The following LNX2 variants were observed in gnomAD, a reference collection of about 807,000 sequenced individuals.
The protein encoded by LNX2 is ligand of Numb protein X 2.
A neutral mutation model predicts 66.2 loss-of-function variants in LNX2; 35 were observed. The observed-to-expected ratio is 0.53, with a 90% CI of 0.40 to 0.70. The LOEUF (loss-of-function observed/expected upper bound fraction) is 0.70. LNX2 is among the 30% of genes least tolerant of loss of function. The pLI, the probability that LNX2 is intolerant of heterozygous loss-of-function variation, is 0.00. For synonymous variants in LNX2, 337 were observed against 315.6 expected (o/e 1.07, Z -0.72); for missense variants, 791 against 850.8 (o/e 0.93, Z 0.87).
At chr13:27,571,613 C>T (rs540452261) in intron 2 of LNX2, among the ~76,000 whole-genome samples, 1 of 152,146 alleles carries the variant, frequency 6.6e-6, no homozygotes, top group South Asian at 2.1e-4. Context: ...CACTGAATTG[C>T]ACACTTTAAA....
chr13:27,587,797 A>G (rs561426654), intron 1 of LNX2, among the ~76,000 whole-genome samples: 28 of 152,100 alleles, frequency 1.8e-4, no homozygotes, highest in African/African-American at 4.8e-4. Context: ...CAAGGCGGGC[A>G]GATCACAAGG....
intron 1 of LNX2, among the ~76,000 whole-genome samples, chr13:27,607,911 A>AT (rs1955734720): frequency 1.3e-5 from 2 of 152,244 alleles, no homozygotes; most frequent in Non-Finnish European, 2.9e-5. Flanking sequence ...AGTAACCAGC[A>AT]TAACAGACCA....
chr13:27,615,695 T>C (rs961729293), intron 1 of LNX2, among the ~76,000 whole-genome samples: 2 of 152,168 alleles, frequency 1.3e-5, no homozygotes, highest in African/African-American at 4.8e-5. Context: ...GAGAGTTGTA[T>C]GCCAGGAAAC....
chr13:27,573,438 T>C (rs1156695061), intron 2 of LNX2, among the ~76,000 whole-genome samples: 1 of 103,790 alleles, frequency 9.6e-6, no homozygotes, highest in Non-Finnish European at 2.0e-5. Context: ...TTGTTAAGCA[T>C]TGGTTAAAAA....
At chr13:27,597,305 A>C (rs546715208) in intron 1 of LNX2, among the ~76,000 whole-genome samples, 3 of 152,344 alleles carry the variant, frequency 2.0e-5, no homozygotes, top group East Asian at 1.9e-4. Flanking sequence ...GGAATAAAAG[A>C]AGCAAAGTGT....
At chr13:27,570,058 C>G (rs751691299) in intron 2 of LNX2, among the ~76,000 whole-genome samples, 62 of 152,236 alleles carry the variant, frequency 4.1e-4, no homozygotes, top group Admixed American at 5.9e-4. Flanking sequence ...AATAAAGGCT[C>G]TATATAACAA....
intron 1 of LNX2, among the ~76,000 whole-genome samples, chr13:27,598,226 G>C (rs1446212832): frequency 1.4e-5 from 2 of 142,066 alleles, no homozygotes; most frequent in Non-Finnish European, 3.0e-5. Flanking sequence ...AAAAAGACAT[G>C]ATCAACACCT....
rs533194376 is a variant in LNX2, at chr13:27,595,394, G to A, written c.-100-13591C>T. Among the ~76,000 whole-genome samples, 11 of 152,306 alleles carry A rather than the reference G, an allele frequency of 7.2e-5. No homozygotes were observed. In the East Asian group the frequency reaches 2.1e-3, roughly 29 times the overall value. On this transcript the variant is annotated intron_variant, in intron 1 of 9. Coordinates refer to ENST00000316334, the MANE Select transcript of LNX2 (RefSeq NM_153371.4). Reference sequence around the variant, plus strand: ...ACAGCCATTAGAAGGCAGAAACCAAGTCTTAGTTGTTCATCTCTATACCCC... The same window carrying A: ...ACAGCCATTAGAAGGCAGAAACCAAATCTTAGTTGTTCATCTCTATACCCC...
chr13:27,552,322 TAG>T (rs1403194695), intron 8 of LNX2, among the ~76,000 whole-genome samples: 3 of 152,126 alleles, frequency 2.0e-5, no homozygotes, highest in African/African-American at 7.2e-5. Context: ...ACTGCACGAG[TAG>T]ACCACTTCTC....
intron 2 of LNX2, among the ~76,000 whole-genome samples, chr13:27,572,610 C>T (rs1393714842): frequency 6.6e-6 from 1 of 152,204 alleles, no homozygotes; most frequent in Non-Finnish European, 1.5e-5. Context: ...GGTTGTTCTT[C>T]TATTCCCACT....
At chr13:27,587,436 T>A (rs1025690901) in intron 1 of LNX2, among the ~76,000 whole-genome samples, 4 of 152,150 alleles carry the variant, frequency 2.6e-5, no homozygotes, top group African/African-American at 9.7e-5. Flanking sequence ...TTAAGACATA[T>A]TAGGCATTTA....
Position 27,559,861 on chromosome 13 carries a change from C to G in LNX2, c.1349G>C (p.Ser450Thr). 1 of 1,600,652 alleles carries G rather than the reference C, an allele frequency of 6.2e-7. No individual in the cohort carries two copies. Among genetic ancestry groups the G allele is most frequent in the Non-Finnish European group, 8.5e-7 (1 of 1,171,916 alleles). Residue 450 changes from serine to threonine, a missense_variant, in exon 6 of 10, where the codon AGC (serine) becomes ACC (threonine). Physicochemically the swap from Ser to Thr is moderately conservative, Grantham distance 58. Coordinates refer to ENST00000316334, the MANE Select transcript of LNX2 (RefSeq NM_153371.4). ...CCTCACCTTATGTGAGCTTGGTCTG[C>G]TATAATACGGTGGTGGTGTGTGGTG... Reference protein sequence around the residue: ...SQHHTPPPYYSRPSSHKDLTQ... With the variant: ...SQHHTPPPYYTRPSSHKDLTQ...
In LNX2 at chr13:27,583,214, GT is replaced by G. The variant is rs1955428193; in HGVS notation, c.-100-1412del. On this transcript the variant is annotated intron_variant, in intron 1 of 9. Coordinates refer to ENST00000316334, the MANE Select transcript of LNX2 (RefSeq NM_153371.4). ...TGTGTGTGTGTGTGTGTGTGTGTGT[GT>G]GTGTGTGTGTGTGTGTGTGTGTGTG... 7.7e-4 allele frequency among the ~76,000 whole-genome samples: 13 copies of G among 16,934 alleles called. 5 individuals are homozygous for G. Among genetic ancestry groups the G allele is most frequent in the African/African-American group, 1.9e-3 (3 of 1,620 alleles). 11.1% of individuals were successfully genotyped at this position (16,934 alleles called of 152,430 possible).
chr13:27,597,606 G>A (rs536400977), intron 1 of LNX2, among the ~76,000 whole-genome samples: 1 of 152,248 alleles, frequency 6.6e-6, no homozygotes, highest in African/African-American at 2.4e-5. Flanking sequence ...ATGTGTCTGG[G>A]TAGGTAACTC....
chr13:27,588,870 T>C (rs956032357), intron 1 of LNX2, among the ~76,000 whole-genome samples: 6 of 152,148 alleles, frequency 3.9e-5, no homozygotes, highest in African/African-American at 1.4e-4. Flanking sequence ...GTAAAAAACA[T>C]AGAAGAAATA....
intron 6 of LNX2, among the ~76,000 whole-genome samples, chr13:27,557,754 G>A (rs2138328980): frequency 6.6e-6 from 1 of 152,162 alleles, no homozygotes. Flanking sequence ...TACCAAAGGA[G>A]CTATGTGTAA....
chr13:27,578,286 A>G (rs1955361571), intron 2 of LNX2, among the ~76,000 whole-genome samples: 1 of 152,244 alleles, frequency 6.6e-6, no homozygotes, highest in African/African-American at 2.4e-5. Flanking sequence ...CATGACAGCC[A>G]TGCAACTTTT....
chr13:27,560,565 G>GTGTGTATATATATA (rs35007288), intron 5 of LNX2, among the ~76,000 whole-genome samples: 106 of 120,014 alleles, frequency 8.8e-4, no homozygotes, highest in African/African-American at 3.4e-3. Context: ...ATGTATGTGT[G>GTGTGTATATATATA]TATATATATA....
intron 1 of LNX2, among the ~76,000 whole-genome samples, chr13:27,587,646 A>G (rs1427571668): frequency 6.6e-6 from 1 of 152,222 alleles, no homozygotes; most frequent in African/African-American, 2.4e-5. Flanking sequence ...TAAGGGAAAA[A>G]AGTTTCCTTA....
Sources: gnomAD v4.1 joint callset for allele counts (sites outside exome capture counted in the v4.1 genomes callset) on GRCh38, gnomAD v4.1.1 for gene constraint, MANE v1.5 for transcripts, NCBI Gene and HGNC (gene_info 2026-07-23, HGNC 2026-07-21) for gene names.